SHROOM3: variants seen among roughly 807,000 people sequenced by gnomAD.
The protein encoded by SHROOM3 is protein Shroom3.
A neutral mutation model predicts 138.6 loss-of-function variants in SHROOM3; 47 were observed. The ratio of observed to expected loss-of-function variants is 0.34; its 90% confidence interval spans 0.27 to 0.43. SHROOM3 has a LOEUF of 0.43. Ranked by LOEUF, SHROOM3 falls within the 20% of genes least tolerant of loss-of-function variation. The probability of loss-of-function intolerance (pLI) is 1.00; values close to 1 mark genes in which losing one functional copy is unlikely to be tolerated. For missense variants in SHROOM3, 2,491 were observed against 2,596.5 expected, an observed-to-expected ratio of 0.96 and a Z score of 0.88; for synonymous variants, 1,062 against 1,063.3, an observed-to-expected ratio of 1.00 and a Z score of 0.02.
In SHROOM3 at chr4:76,778,831, A is replaced by G; in HGVS notation, c.5645A>G (p.Lys1882Arg). The G allele has an allele frequency of 1.9e-6, 3 of 1,612,422 alleles. No individual in the cohort carries two copies. Among genetic ancestry groups the G allele is most frequent in the Non-Finnish European group, 1.7e-6 (2 of 1,180,018 alleles). Residue 1882 changes from lysine to arginine, a missense_variant, in exon 11 of 11, where the codon AAG (lysine) becomes AGG (arginine). Lys to Arg is a conservative substitution (Grantham distance 26, BLOSUM62 2). Transcript: ENST00000296043. ...EERSSLYEKR[K>R]ILAGQHEDAR... The stretch of plus-strand genomic sequence containing the variant: ...CAGAGCTCTCTTTACGAGAAAAGGA[A>G]GATCCTGGCTGGTCAGCATGAGGAT...
intron 1 of SHROOM3, among the ~76,000 whole-genome samples, chr4:76,481,932 A>T (rs1301074729): frequency 6.6e-6 from 1 of 152,232 alleles, no homozygotes; most frequent in Non-Finnish European, 1.5e-5. Context: ...GATACAGAAA[A>T]TGCCTTCAAT....
At chr4:76,659,861 C>T (rs747571022) in intron 2 of SHROOM3, among the ~76,000 whole-genome samples, 2 of 152,270 alleles carry the variant, frequency 1.3e-5, no homozygotes, top group South Asian at 2.1e-4. Flanking sequence ...GGATTACAGG[C>T]GTGAGCCACC....
intron 2 of SHROOM3, among the ~76,000 whole-genome samples, chr4:76,704,428 G>A (rs1445743034): frequency 3.3e-5 from 5 of 152,344 alleles, no homozygotes; most frequent in Middle Eastern, 6.8e-3. Flanking sequence ...TGCCAGGAAA[G>A]AGTATTTGCA....
At chr4:76,495,702 C>T (rs1010069236) in intron 1 of SHROOM3, among the ~76,000 whole-genome samples, 4 of 152,200 alleles carry the variant, frequency 2.6e-5, no homozygotes, top group South Asian at 4.1e-4. Context: ...AGGGAATAGA[C>T]GAAGTGGTTG....
intron 1 of SHROOM3, among the ~76,000 whole-genome samples, chr4:76,481,031 G>T (rs1348445564): frequency 6.6e-6 from 1 of 152,110 alleles, no homozygotes; most frequent in African/African-American, 2.4e-5. Flanking sequence ...AAGAAAGCAG[G>T]AAAGATTTAA....
At chr4:76,761,046 T>C (rs1721972556) in intron 9 of SHROOM3, among the ~76,000 whole-genome samples, 1 of 152,224 alleles carries the variant, frequency 6.6e-6, no homozygotes. Flanking sequence ...TTTCTAAGTT[T>C]TATTTTAGAA....
chr4:76,710,371 G>T, intron 3 of SHROOM3, 84 bp downstream of exon 3: 1 of 1,530,002 alleles, frequency 6.5e-7, no homozygotes, highest in Admixed American at 1.8e-5. Flanking sequence ...GAGGAGTCGG[G>T]GGCAAGGATG....
intron 2 of SHROOM3, among the ~76,000 whole-genome samples, chr4:76,663,732 T>C (rs528678816): frequency 1.0e-3 from 158 of 152,336 alleles, no homozygotes; most frequent in South Asian, 2.1e-3. Context: ...TATTTAAAAC[T>C]TGGAAAACTT....
chr4:76,739,669 G>A lies in SHROOM3; in HGVS notation c.1496G>A (p.Ser499Asn). 1 of 1,614,192 alleles carries A rather than the reference G, an allele frequency of 6.2e-7. No homozygotes were observed. The highest frequency in any genetic ancestry group is 8.5e-7 in the Non-Finnish European group (1 of 1,180,048). ...GMLYPALAKE[S>N]GYIAPQGACN... ...CTCTACCCTGCACTGGCCAAGGAGA[G>A]TGGATACATAGCCCCTCAGGGAGCA... Residue 499 changes from serine to asparagine, a missense_variant, in exon 5 of 11, where the codon AGT becomes AAT. Physicochemically the swap from Ser to Asn is conservative, Grantham distance 46. Around this residue, in one of 4 missense-constraint regions of SHROOM3, gnomAD observed 1,733 missense variants for 1,661.6 expected, o/e 1.04. Transcript: ENST00000296043.
chr4:76,724,452 C>A (rs1485798185), intron 3 of SHROOM3, among the ~76,000 whole-genome samples: 5 of 151,190 alleles, frequency 3.3e-5, no homozygotes, highest in Admixed American at 3.3e-4. Flanking sequence ...TTTTTTTTAA[C>A]TCTCAAGCTA....
intron 2 of SHROOM3, among the ~76,000 whole-genome samples, chr4:76,621,800 T>C (rs1735012122): frequency 6.6e-6 from 1 of 152,084 alleles, no homozygotes; most frequent in South Asian, 2.1e-4. Flanking sequence ...GTTCCAGCGT[T>C]TTCTTTAGGT....
intron 2 of SHROOM3, among the ~76,000 whole-genome samples, chr4:76,623,256 C>A (rs1195670327): frequency 6.6e-6 from 1 of 152,156 alleles, no homozygotes; most frequent in East Asian, 1.9e-4. Flanking sequence ...GGCAACAATG[C>A]AAAAAGTCAA....
intron 1 of SHROOM3, among the ~76,000 whole-genome samples, chr4:76,554,710 G>A (rs868101320): frequency 5.9e-5 from 9 of 152,182 alleles, no homozygotes; most frequent in Middle Eastern, 6.8e-3. Context: ...ATGAGCCACC[G>A]TACCCGGCCA....
intron 2 of SHROOM3, among the ~76,000 whole-genome samples, chr4:76,629,366 G>A (rs746102989): frequency 6.6e-6 from 1 of 152,222 alleles, no homozygotes; most frequent in Non-Finnish European, 1.5e-5. Flanking sequence ...GGTCAAAGAG[G>A]TAACGGGTAT....
At chr4:76,457,343 CCTT>C (rs997835711) in intron 1 of SHROOM3, among the ~76,000 whole-genome samples, 4 of 152,102 alleles carry the variant, frequency 2.6e-5, no homozygotes, top group African/African-American at 7.2e-5. Flanking sequence ...CTCACTCTCT[CCTT>C]CTCCTGCTCC....
intron 2 of SHROOM3, among the ~76,000 whole-genome samples, chr4:76,611,252 GTC>G (rs143392800): frequency 1.4e-4 from 21 of 149,198 alleles, no homozygotes; most frequent in Non-Finnish European, 1.3e-4. Flanking sequence ...CTCTCTCTGT[GTC>G]TCTCTCTCTC....
chr4:76,755,482 T>G (rs1283368956), intron 7 of SHROOM3, among the ~76,000 whole-genome samples: 1 of 152,124 alleles, frequency 6.6e-6, no homozygotes, highest in Non-Finnish European at 1.5e-5. Flanking sequence ...CCTGGATGAG[T>G]TCTGAATCAG....
At chr4:76,584,243 G>A (rs959666525) in intron 2 of SHROOM3, among the ~76,000 whole-genome samples, 9 of 152,042 alleles carry the variant, frequency 5.9e-5, no homozygotes, top group African/African-American at 1.9e-4. Context: ...TCTTGTATCC[G>A]GGAGGCAGAG....
At chr4:76,566,870 A>G (rs1733735704) in intron 2 of SHROOM3, among the ~76,000 whole-genome samples, 1 of 152,214 alleles carries the variant, frequency 6.6e-6, no homozygotes, top group Non-Finnish European at 1.5e-5. Flanking sequence ...GCATCTTCGC[A>G]TGTGGCAGCT....
Sources: allele counts gnomAD v4.1 joint callset (sites outside exome capture counted in the v4.1 genomes callset), GRCh38; gene constraint gnomAD v4.1.1; regional missense constraint gnomAD v4.1.1; transcripts MANE v1.5; gene names NCBI Gene and HGNC (gene_info 2026-07-23, HGNC 2026-07-21).